Variants in CCDC178 observed in about 807,000 individuals in gnomAD.
The protein encoded by CCDC178 is coiled-coil domain containing 178.
In CCDC178, 126 loss-of-function variants were observed where a neutral mutation model predicts 117.4. The observed-to-expected ratio is 1.07, with a 90% CI of 0.93 to 1.24. The LOEUF is 1.24. CCDC178 is among the 50% of genes most tolerant of loss of function. The pLI is 0.00. For synonymous variants in CCDC178, 283 were observed against 313.4 expected (o/e 0.90, Z 1.02); for missense variants, 1,030 against 986.9 (o/e 1.04, Z -0.59).
chr18:33,217,442 T>TATA (rs143195713), intron 18 of CCDC178, among the ~76,000 whole-genome samples: 2,309 of 152,160 alleles, frequency 0.015, 35 homozygotes, highest in Non-Finnish European at 0.026. Flanking sequence ...TCACTGTGTA[T>TATA]ATAATTATAC....
Position 32,937,769 on chromosome 18 carries a change from T to C in CCDC178, c.*242A>G. 1.1e-5 allele frequency: 5 copies of C among 456,068 alleles called. No individual in the cohort carries two copies. Among genetic ancestry groups the C allele is most frequent in the Non-Finnish European group, 2.0e-5 (5 of 254,722 alleles). 28.3% of individuals were successfully genotyped at this position (456,068 alleles called of 1,614,324 possible). On this transcript the variant is annotated 3_prime_UTR_variant, in exon 23 of 23. Coordinates refer to ENST00000383096, the MANE Select transcript of CCDC178 (RefSeq NM_001105528.4). ...TAATTATCAGATGAGGCAAAGCCAATTGCAATCAGTCACCCAGAGCTGAAA... is the reference window on the plus strand; with the variant it reads ...TAATTATCAGATGAGGCAAAGCCAACTGCAATCAGTCACCCAGAGCTGAAA...
At chr18:33,257,348 G>T (rs1206050031) in intron 14 of CCDC178, among the ~76,000 whole-genome samples, 1 of 151,980 alleles carries the variant, frequency 6.6e-6, no homozygotes, top group African/African-American at 2.4e-5. Flanking sequence ...TTTGCTCATG[G>T]GTAGATTATT....
intron 2 of CCDC178, among the ~76,000 whole-genome samples, chr18:33,412,474 ATCT>A (rs1429734090): frequency 1.5e-4 from 1 of 6,478 alleles, no homozygotes; most frequent in East Asian, 0.12. Flanking sequence ...CTTTACTACC[ATCT>A]ATCTCTTCTT....
chr18:33,151,703 C>T (rs1262646190), intron 20 of CCDC178, among the ~76,000 whole-genome samples: 1 of 152,082 alleles, frequency 6.6e-6, no homozygotes, highest in Middle Eastern at 3.2e-3. Context: ...CTGTATCTGT[C>T]AAATCGGGAT....
chr18:33,165,339 T>A (rs752115794), intron 20 of CCDC178, among the ~76,000 whole-genome samples: 1 of 152,066 alleles, frequency 6.6e-6, no homozygotes, highest in Non-Finnish European at 1.5e-5. Context: ...CAATCTAGTA[T>A]AACAACAATT....
At chr18:33,322,401 G>C (rs536685867) in intron 11 of CCDC178, among the ~76,000 whole-genome samples, 1 of 151,710 alleles carries the variant, frequency 6.6e-6, no homozygotes, top group African/African-American at 2.4e-5. Context: ...TCTAATGAAA[G>C]AGTAACAACA....
chr18:33,262,561 T>C (rs763218584), intron 14 of CCDC178, among the ~76,000 whole-genome samples: 1 of 152,176 alleles, frequency 6.6e-6, no homozygotes, highest in South Asian at 2.1e-4. Flanking sequence ...AAATGACTCA[T>C]TATCTGGCAT....
intron 14 of CCDC178, among the ~76,000 whole-genome samples, chr18:33,253,223 C>CTG (rs2059637266): frequency 6.6e-6 from 1 of 151,838 alleles, no homozygotes; most frequent in East Asian, 1.9e-4. Context: ...TATAGGATAA[C>CTG]TGAACAAAGT....
intron 20 of CCDC178, among the ~76,000 whole-genome samples, chr18:33,142,100 G>C (rs560340035): frequency 2.6e-5 from 4 of 152,224 alleles, no homozygotes; most frequent in Admixed American, 2.6e-4. Flanking sequence ...AGCTGAACAC[G>C]ACTGTAATCA....
chr18:33,085,335 G>A (rs1680959), intron 21 of CCDC178, among the ~76,000 whole-genome samples: 14,036 of 152,182 alleles, frequency 0.092, 912 homozygotes, highest in African/African-American at 0.18. Flanking sequence ...AGGCCGAGGC[G>A]GGCGGATCAC....
chr18:33,241,523 G>T (rs895359678), intron 15 of CCDC178, among the ~76,000 whole-genome samples: 1 of 150,994 alleles, frequency 6.6e-6, no homozygotes, highest in Non-Finnish European at 1.5e-5. Flanking sequence ...TTAAAGTTGC[G>T]AGATATAAAG....
intron 20 of CCDC178, among the ~76,000 whole-genome samples, chr18:33,134,245 A>G (rs778314566): frequency 1.0e-3 from 157 of 152,104 alleles, no homozygotes; most frequent in Non-Finnish European, 1.3e-3. Context: ...AAATATTCAT[A>G]TTATGCTTAA....
chr18:33,075,706 T>A (rs2057193744), intron 21 of CCDC178, among the ~76,000 whole-genome samples: 1 of 152,158 alleles, frequency 6.6e-6, no homozygotes, highest in Non-Finnish European at 1.5e-5. Flanking sequence ...GTGTGGCTCA[T>A]GCCTGTAATC....
At position 33,277,849 on chromosome 18, in the gene CCDC178, C is replaced by G. The variant is rs111902603; in HGVS notation, c.1177-10552G>C. Among the ~76,000 whole-genome samples, 4 of 152,256 alleles carry G rather than the reference C, an allele frequency of 2.6e-5. No homozygotes were observed. In the East Asian group the frequency reaches 7.7e-4, roughly 29 times the overall value. On this transcript the variant is annotated intron_variant, in intron 12 of 22. Transcript: ENST00000383096. ...AATCCAGGATAATCTCCCAATCTAA[C>G]GGCACTGATTATAAACACAATTACA...
chr18:33,134,639 T>C (rs1395796261), intron 20 of CCDC178, among the ~76,000 whole-genome samples: 1 of 152,084 alleles, frequency 6.6e-6, no homozygotes, highest in East Asian at 1.9e-4. Context: ...GTATTAGAAA[T>C]GACCAAAATG....
intron 20 of CCDC178, among the ~76,000 whole-genome samples, chr18:33,140,776 G>A (rs28576034): frequency 0.06 from 9,205 of 152,206 alleles, 449 homozygotes; most frequent in African/African-American, 0.13. Context: ...TGTTGGGAAG[G>A]CATGATTGGT....
In CCDC178 at chr18:33,338,368, A is replaced by G. The variant is rs187940515; in HGVS notation, c.659-4974T>C. On this transcript the variant is annotated intron_variant, in intron 9 of 22. Coordinates refer to ENST00000383096, the MANE Select transcript of CCDC178 (RefSeq NM_001105528.4). ...GGAGATTGCTTAAAGAACTAAAAGT[A>G]GATCTCCCATTTGATCCAGCAATCC... Among the ~76,000 whole-genome samples, 257 of 152,328 alleles carry G rather than the reference A, an allele frequency of 1.7e-3. 3 individuals are homozygous for G. Among genetic ancestry groups the G allele is most frequent in the African/African-American group, 6.0e-3 (251 of 41,586 alleles).
chr18:33,192,801 T>G (rs1188842665), intron 20 of CCDC178, among the ~76,000 whole-genome samples: 4 of 149,872 alleles, frequency 2.7e-5, no homozygotes, highest in Admixed American at 2.0e-4. Context: ...CTTGGGAGGC[T>G]GAGGCAGGAG....
rs993424893 is a variant in CCDC178, at chr18:33,240,006, T to C, written c.1593+5239A>G. On this transcript the variant is annotated intron_variant, in intron 15 of 22. Transcript: ENST00000383096. ...TTAGACACAAAAAAATCTTAAAACA[T>C]TTTTAAAATTAAAATTAAAATTATA... 2.6e-5 allele frequency among the ~76,000 whole-genome samples: 4 copies of C among 151,946 alleles called. No homozygotes were observed. The South Asian group carries it at 8.3e-4, about 31-fold the overall frequency.
Sources: allele counts gnomAD v4.1 joint callset (sites outside exome capture counted in the v4.1 genomes callset), GRCh38; gene constraint gnomAD v4.1.1; transcripts MANE v1.5; gene names NCBI Gene and HGNC (gene_info 2026-07-23, HGNC 2026-07-21).